The following DNAH6 variants were observed in gnomAD, a reference collection of about 807,000 sequenced individuals.
The protein encoded by DNAH6 is axonemal beta dynein heavy chain 6.
DNAH6 carries 340 observed loss-of-function variants against 491.4 expected under a neutral mutation model. The observed-to-expected ratio is 0.69, with a 90% CI of 0.63 to 0.76. The LOEUF (loss-of-function observed/expected upper bound fraction) is 0.76, where lower values mean the gene tolerates loss of function less well. DNAH6 is among the 30% of genes least tolerant of loss of function. The pLI is 0.00. For missense variants in DNAH6, 4,443 were observed against 4,972.2 expected, an observed-to-expected ratio of 0.89 and a Z score of 3.20; for synonymous variants, 1,603 against 1,686.1, an observed-to-expected ratio of 0.95 and a Z score of 1.21.
chr2:84,513,017 T>C (rs1034220665), upstream of DNAH6, among the ~76,000 whole-genome samples: 1 of 152,142 alleles, frequency 6.6e-6, no homozygotes, highest in Admixed American at 6.5e-5. Flanking sequence ...TTGTATTTGT[T>C]TTCTATATGT....
the DNAH6 span, among the ~76,000 whole-genome samples, chr2:84,509,673 T>C: frequency 6.6e-6 from 1 of 152,224 alleles, no homozygotes; most frequent in Non-Finnish European, 1.5e-5. Flanking sequence ...CTAGCCTCGA[T>C]GGTCTTTACA....
intron 22 of DNAH6, among the ~76,000 whole-genome samples, chr2:84,616,079 T>A (rs1253114070): frequency 6.6e-6 from 1 of 152,136 alleles, no homozygotes; most frequent in Non-Finnish European, 1.5e-5. Flanking sequence ...TTTCTTAAAT[T>A]TATTGGGACT....
chr2:84,505,177 C>T, the DNAH6 span, among the ~76,000 whole-genome samples: 1 of 152,140 alleles, frequency 6.6e-6, no homozygotes, highest in Non-Finnish European at 1.5e-5. Context: ...CATAGGAATA[C>T]AACTGATTTT....
intron 37 of DNAH6, among the ~76,000 whole-genome samples, chr2:84,668,963 T>C (rs1214048633): frequency 1.3e-5 from 2 of 152,130 alleles, no homozygotes; most frequent in Non-Finnish European, 2.9e-5. Flanking sequence ...AGAGGCTGGG[T>C]CTCATTCAGC....
chr2:84,570,980 C>G (rs1319142033), intron 11 of DNAH6, among the ~76,000 whole-genome samples: 1 of 152,156 alleles, frequency 6.6e-6, no homozygotes, highest in East Asian at 1.9e-4. Flanking sequence ...AGCTGTAACA[C>G]TCACCGTGAG....
chr2:84,513,275 A>C (rs1247834316), upstream of DNAH6, among the ~76,000 whole-genome samples: 1 of 152,146 alleles, frequency 6.6e-6, no homozygotes, highest in Non-Finnish European at 1.5e-5. Context: ...ATATTATAAT[A>C]TGGTAACTCG....
At chr2:84,653,105 T>G (rs942805049) in intron 33 of DNAH6, among the ~76,000 whole-genome samples, 1 of 152,026 alleles carries the variant, frequency 6.6e-6, no homozygotes, top group African/African-American at 2.4e-5. Flanking sequence ...CTTAGGAACA[T>G]TGGTCTACTG....
chr2:84,645,997 A>G (rs537501548), intron 33 of DNAH6, among the ~76,000 whole-genome samples: 28 of 152,342 alleles, frequency 1.8e-4, no homozygotes, highest in Middle Eastern at 6.8e-3. Flanking sequence ...TGCACTTCGC[A>G]GATATCATAT....
intron 37 of DNAH6, among the ~76,000 whole-genome samples, chr2:84,659,603 G>T: frequency 6.6e-6 from 1 of 152,186 alleles, no homozygotes; most frequent in East Asian, 1.9e-4. Context: ...TATGGAAGGA[G>T]AAAAATTAGA....
chr2:84,586,112 A>G (rs1382021922), intron 15 of DNAH6, among the ~76,000 whole-genome samples: 1 of 152,240 alleles, frequency 6.6e-6, no homozygotes, highest in African/African-American at 2.4e-5. Context: ...AGATCAGAGC[A>G]GGGAGAGACC....
Position 84,714,812 on chromosome 2 carries a change from A to T in DNAH6, c.9544-748A>T, listed in dbSNP as rs868729670. Among the ~76,000 whole-genome samples, 3 of 151,430 alleles carry T rather than the reference A, an allele frequency of 2.0e-5. No individual in the cohort carries two copies. The South Asian group carries it at 6.3e-4, about 32-fold the overall frequency. Reference sequence around the variant, plus strand: ...CATTTCCAGGAACCTCACGTCAATCATCTCTAAAAAGAGATCAATCCTACT... The same window carrying T: ...CATTTCCAGGAACCTCACGTCAATCTTCTCTAAAAAGAGATCAATCCTACT... On this transcript the variant is annotated intron_variant, in intron 57 of 76. Transcript: ENST00000389394.
chr2:84,510,541 A>T, the DNAH6 span, among the ~76,000 whole-genome samples: 8 of 151,996 alleles, frequency 5.3e-5, no homozygotes, highest in Admixed American at 3.3e-4. Flanking sequence ...AGCTCGGAGT[A>T]GTTTGATCGT....
intron 13 of DNAH6, among the ~76,000 whole-genome samples, chr2:84,577,896 C>T (rs575698641): frequency 6.6e-6 from 1 of 152,310 alleles, no homozygotes; most frequent in South Asian, 2.1e-4. Context: ...CTTGTGTCTT[C>T]CCAATGCCCA....
intron 63 of DNAH6, among the ~76,000 whole-genome samples, chr2:84,746,907 G>C (rs1011408385): frequency 1.3e-5 from 2 of 152,128 alleles, no homozygotes; most frequent in Non-Finnish European, 2.9e-5. Flanking sequence ...CAAGAAAGAG[G>C]GGAGGGAGAC....
At chr2:84,581,471 C>G (rs143391712) in intron 14 of DNAH6, among the ~76,000 whole-genome samples, 2 of 152,224 alleles carry the variant, frequency 1.3e-5, no homozygotes, top group African/African-American at 4.8e-5. Context: ...AGATAATTTT[C>G]ATACAAAGAG....
At chr2:84,609,005 G>A (rs1173007584) in intron 21 of DNAH6, among the ~76,000 whole-genome samples, 1 of 152,192 alleles carries the variant, frequency 6.6e-6, no homozygotes, top group Non-Finnish European at 1.5e-5. Flanking sequence ...TTATGTTACA[G>A]TGATAGCTTC....
intron 2 of DNAH6, among the ~76,000 whole-genome samples, chr2:84,521,089 G>A (rs184603685): frequency 6.6e-6 from 1 of 151,580 alleles, no homozygotes; most frequent in African/African-American, 2.4e-5. Flanking sequence ...TACACTTAAT[G>A]GTGGCATAGT....
intron 37 of DNAH6, 75 bp from the exon 38 acceptor site, chr2:84,669,214 A>G (rs1007474508): frequency 1.6e-5 from 18 of 1,156,288 alleles, no homozygotes; most frequent in African/African-American, 3.1e-5. Context: ...CTTTTTTTCT[A>G]TGTGAGTGTA....
At chr2:84,564,450 A>C (rs901987534) in intron 11 of DNAH6, among the ~76,000 whole-genome samples, 2 of 152,162 alleles carry the variant, frequency 1.3e-5, no homozygotes, top group African/African-American at 2.4e-5. Flanking sequence ...GTATGTGGCT[A>C]TCATAAATGG....
Sources: allele counts gnomAD v4.1 joint callset (sites outside exome capture counted in the v4.1 genomes callset), GRCh38; gene constraint gnomAD v4.1.1; transcripts MANE v1.5; gene names NCBI Gene and HGNC (gene_info 2026-07-23, HGNC 2026-07-21).